STK32B: variants seen among roughly 807,000 people sequenced by gnomAD.
STK32B encodes serine/threonine kinase 32B.
In STK32B, 43 loss-of-function variants were observed where a neutral mutation model predicts 52.6. The ratio of observed to expected loss-of-function variants is 0.82; its 90% confidence interval spans 0.64 to 1.05. The LOEUF is 1.05. STK32B is among the 50% of genes least tolerant of loss of function. The probability of loss-of-function intolerance (pLI) is 0.00; values close to 1 mark genes in which losing one functional copy is unlikely to be tolerated. For synonymous variants in STK32B, 238 were observed against 204.3 expected (o/e 1.17, Z -1.41); for missense variants, 621 against 534.6 (o/e 1.16, Z -1.59).
intron 1 of STK32B, among the ~76,000 whole-genome samples, chr4:5,119,222 G>A (rs1714897330): frequency 6.6e-6 from 1 of 152,188 alleles, no homozygotes; most frequent in Non-Finnish European, 1.5e-5. Context: ...TTCCCACAGC[G>A]TTTAGCATAA....
At chr4:5,480,542 G>A (rs1406499460) in intron 11 of STK32B, among the ~76,000 whole-genome samples, 1 of 152,036 alleles carries the variant, frequency 6.6e-6, no homozygotes, top group East Asian at 1.9e-4. Context: ...CAATGGAAAA[G>A]AATGTTTAGG....
At chr4:5,040,949 G>GA in the STK32B span, among the ~76,000 whole-genome samples, 1 of 152,206 alleles carries the variant, frequency 6.6e-6, no homozygotes, top group Admixed American at 6.5e-5. Context: ...AAAAGGTGCA[G>GA]AAAAATACAG....
intron 3 of STK32B, among the ~76,000 whole-genome samples, chr4:5,212,889 C>T (rs1179169134): frequency 6.6e-6 from 1 of 152,050 alleles, no homozygotes; most frequent in Admixed American, 6.6e-5. Context: ...AATCAATGAT[C>T]GCAGGCAGAA....
At chr4:5,028,799 A>G in the STK32B span, among the ~76,000 whole-genome samples, 2 of 152,198 alleles carry the variant, frequency 1.3e-5, no homozygotes, top group Admixed American at 6.5e-5. Flanking sequence ...TCACTCTCAC[A>G]CTACCATAAA....
the STK32B span, among the ~76,000 whole-genome samples, chr4:5,038,745 G>C: frequency 6.6e-6 from 1 of 152,156 alleles, no homozygotes; most frequent in African/African-American, 2.4e-5. Flanking sequence ...TGAGTAGCTG[G>C]TGAGTGAATG....
intron 11 of STK32B, among the ~76,000 whole-genome samples, chr4:5,482,987 G>C (rs1453544998): frequency 1.3e-5 from 2 of 152,152 alleles, no homozygotes; most frequent in Non-Finnish European, 2.9e-5. Flanking sequence ...GATTCGGTTT[G>C]CCAGTATTTT....
chr4:5,034,073 T>C, the STK32B span, among the ~76,000 whole-genome samples: 156 of 152,292 alleles, frequency 1.0e-3, 2 homozygotes, highest in African/African-American at 3.6e-3. Flanking sequence ...AAAAAGCAGA[T>C]TGAGAAATGC....
At chr4:5,439,720 G>T (rs1037035470) in intron 6 of STK32B, among the ~76,000 whole-genome samples, 1 of 152,070 alleles carries the variant, frequency 6.6e-6, no homozygotes, top group African/African-American at 2.4e-5. Context: ...TTTCTTCTAG[G>T]GTTTATATGG....
chr4:5,183,147 G>T lies in STK32B; in HGVS notation c.260+14697G>T, dbSNP rs149186851. ...CAACTTAAAGTCACCGACTGCATTA[G>T]CCCCTAGCAAGAGTCGGCCTGTTTT... On this transcript the variant is annotated intron_variant, in intron 3 of 11. Transcript: ENST00000282908. Among the ~76,000 whole-genome samples, 128 of 152,244 alleles carry T rather than the reference G, an allele frequency of 8.4e-4. 1 individual carries two copies. The East Asian group carries it at 0.024, about 29-fold the overall frequency.
the STK32B span, among the ~76,000 whole-genome samples, chr4:5,039,668 C>G: frequency 6.6e-6 from 1 of 152,160 alleles, no homozygotes; most frequent in African/African-American, 2.4e-5. Flanking sequence ...GTGTTATGTA[C>G]TGTATGTAAT....
chr4:5,096,309 TA>T (rs897408462), intron 1 of STK32B, among the ~76,000 whole-genome samples: 2 of 151,994 alleles, frequency 1.3e-5, no homozygotes, highest in African/African-American at 2.4e-5. Context: ...ACTTTCCTGT[TA>T]AAAAAAATAA....
At chr4:5,029,891 T>C in the STK32B span, among the ~76,000 whole-genome samples, 8 of 152,208 alleles carry the variant, frequency 5.3e-5, no homozygotes, top group Non-Finnish European at 1.2e-4. Flanking sequence ...GTGGAGGTAA[T>C]TGAATTATGG....
At chr4:5,139,035 G>GT (rs1716244813) in intron 1 of STK32B, among the ~76,000 whole-genome samples, 1 of 152,196 alleles carries the variant, frequency 6.6e-6, no homozygotes, top group Non-Finnish European at 1.5e-5. Context: ...ATTTTCCTGA[G>GT]TGGAAGAGTC....
intron 11 of STK32B, among the ~76,000 whole-genome samples, chr4:5,468,479 T>C (rs990361975): frequency 6.6e-6 from 1 of 152,180 alleles, no homozygotes; most frequent in Non-Finnish European, 1.5e-5. Context: ...ATCAGCCCAG[T>C]GGAGAGGCCT....
At chr4:5,319,713 C>T (rs893070102) in intron 3 of STK32B, among the ~76,000 whole-genome samples, 20 of 152,284 alleles carry the variant, frequency 1.3e-4, no homozygotes, top group African/African-American at 4.8e-4. Flanking sequence ...GAAGAGAATA[C>T]AGTCTTGTTA....
At chr4:5,316,168 T>TATATATATAAATAA (rs1560309966) in intron 3 of STK32B, among the ~76,000 whole-genome samples, 3 of 100,972 alleles carry the variant, frequency 3.0e-5, no homozygotes, top group African/African-American at 1.6e-4. Context: ...TATAACTAAA[T>TATATATATAAATAA]ATATATATAA....
At chr4:5,354,336 G>C (rs901072042) in intron 4 of STK32B, among the ~76,000 whole-genome samples, 1 of 152,170 alleles carries the variant, frequency 6.6e-6, no homozygotes, top group African/African-American at 2.4e-5. Flanking sequence ...CGCCATCTCA[G>C]CTCCCTGCAA....
intron 3 of STK32B, among the ~76,000 whole-genome samples, chr4:5,184,768 A>G (rs115792988): frequency 0.028 from 4,282 of 152,266 alleles, 86 homozygotes; most frequent in Admixed American, 0.046. Context: ...AAAAGTTGAA[A>G]TATTCCAAGA....
intron 4 of STK32B, among the ~76,000 whole-genome samples, chr4:5,345,688 C>G (rs141821427): frequency 1.5e-3 from 225 of 152,310 alleles, no homozygotes; most frequent in African/African-American, 5.1e-3. Flanking sequence ...GTGGCCACCC[C>G]AAGTCACCAA....
Sources: allele counts gnomAD v4.1 joint callset (sites outside exome capture counted in the v4.1 genomes callset), GRCh38; gene constraint gnomAD v4.1.1; transcripts MANE v1.5; gene names NCBI Gene and HGNC (gene_info 2026-07-23, HGNC 2026-07-21).